PARD3B: variants seen among roughly 807,000 people sequenced by gnomAD.
The protein encoded by PARD3B is par-3 family cell polarity regulator beta.
A neutral mutation model predicts 130.2 loss-of-function variants in PARD3B; 103 were observed. That is an observed-to-expected ratio of 0.79 (90% CI 0.67 to 0.93). The LOEUF (loss-of-function observed/expected upper bound fraction) is 0.93. Ranked by LOEUF, PARD3B falls within the 40% of genes least tolerant of loss-of-function variation. PARD3B has a pLI of 0.00. For missense variants in PARD3B, 1,609 were observed against 1,499.2 expected (o/e 1.07, Z -1.21); for synonymous variants, 583 against 553.2 (o/e 1.05, Z -0.76).
chr2:204,605,993 C>T (rs2033709962), intron 1 of PARD3B, among the ~76,000 whole-genome samples: 1 of 152,128 alleles, frequency 6.6e-6, no homozygotes. Flanking sequence ...CGTGCTATTG[C>T]TTCTCAGTGA....
chr2:205,366,339 C>G lies in PARD3B; in HGVS notation c.2631-34674C>G, dbSNP rs2044609202. ...AATAATCAAGTGTTGACTCAGCTCT[C>G]AAATTTGCTGTGCAGTGCTTACATG... On this transcript the variant is annotated intron_variant, in intron 18 of 22. Coordinates refer to ENST00000406610, the MANE Select transcript of PARD3B (RefSeq NM_001302769.2). The surrounding 1 kb of genome is among the most constrained non-coding windows in gnomAD (Gnocchi z 5.0). Among the ~76,000 whole-genome samples the G allele has an allele frequency of 6.6e-6, 1 of 152,146 alleles. No homozygotes were observed. Among genetic ancestry groups the G allele is most frequent in the Non-Finnish European group, 1.5e-5 (1 of 68,044 alleles).
chr2:205,404,641 A>G (rs1205815815), intron 19 of PARD3B, among the ~76,000 whole-genome samples: 7 of 152,118 alleles, frequency 4.6e-5, no homozygotes, highest in Non-Finnish European at 7.4e-5. Context: ...TCCATTGTCA[A>G]ACATTTAGTC....
chr2:205,414,119 A>T (rs2046694789), intron 19 of PARD3B, among the ~76,000 whole-genome samples: 1 of 152,192 alleles, frequency 6.6e-6, no homozygotes, highest in African/African-American at 2.4e-5. Flanking sequence ...GAAAAATGGC[A>T]ACAGCCATTT....
rs754527041 is a variant in PARD3B, at chr2:204,967,769, C to T, written c.394+2446C>T. Among the ~76,000 whole-genome samples the T allele has an allele frequency of 6.6e-6, 1 of 152,170 alleles. No individual in the cohort carries two copies. The highest frequency in any genetic ancestry group is 2.4e-5 in the African/African-American group (1 of 41,444). On this transcript the variant is annotated intron_variant, in intron 3 of 22. Transcript: ENST00000406610. The surrounding 1 kb of genome is among the most constrained non-coding windows in gnomAD (Gnocchi z 4.4). ...CCATTCTGTTTTCCTGTTGTTGGCT[C>T]CGGGGCAGGATGTGGCCATAGGCTG...
chr2:205,154,589 A>G (rs2033989030), intron 10 of PARD3B, among the ~76,000 whole-genome samples: 1 of 152,240 alleles, frequency 6.6e-6, no homozygotes, highest in Admixed American at 6.5e-5. Flanking sequence ...ATAAAGACAC[A>G]TGCACACATA....
chr2:204,644,687 A>G (rs1210207371), intron 1 of PARD3B, among the ~76,000 whole-genome samples: 3 of 152,160 alleles, frequency 2.0e-5, no homozygotes, highest in South Asian at 2.1e-4. Context: ...GATTATTCCT[A>G]GGATAAATAG....
intron 15 of PARD3B, among the ~76,000 whole-genome samples, chr2:205,208,840 G>A (rs1268504647): frequency 7.0e-6 from 1 of 143,506 alleles, no homozygotes; most frequent in African/African-American, 2.7e-5. Flanking sequence ...AGCTACCAAA[G>A]CCTTTCTTCA....
At chr2:204,803,834 G>C (rs759198354) in intron 2 of PARD3B, among the ~76,000 whole-genome samples, 1 of 152,218 alleles carries the variant, frequency 6.6e-6, no homozygotes, top group South Asian at 2.1e-4. Flanking sequence ...ATAACAAAAT[G>C]GCAGGCTGTA....
chr2:204,614,954 G>A lies in PARD3B; in HGVS notation c.120+68835G>A, dbSNP rs376301357. On this transcript the variant is annotated intron_variant, in intron 1 of 22. Transcript: ENST00000406610. Reference sequence around the variant, plus strand: ...TATTTCTTTATAGCAATGCAAGAACGGCCTAATACACGCAAATTACTCACT... The same window carrying A: ...TATTTCTTTATAGCAATGCAAGAACAGCCTAATACACGCAAATTACTCACT... 1.4e-4 allele frequency among the ~76,000 whole-genome samples: 21 copies of A among 151,986 alleles called. 1 individual carries two copies. Among genetic ancestry groups the A allele is most frequent in the Non-Finnish European group, 1.8e-4 (12 of 67,998 alleles).
At position 204,803,170 on chromosome 2, in the gene PARD3B, A is replaced by G. The variant is rs1391565427; in HGVS notation, c.222+116888A>G. Among the ~76,000 whole-genome samples, 15 of 145,412 alleles carry G rather than the reference A, an allele frequency of 1.0e-4. No homozygotes were observed. In the East Asian group the frequency reaches 3.0e-3, roughly 29 times the overall value. On this transcript the variant is annotated intron_variant, in intron 2 of 22. Transcript: ENST00000406610. ...AAAAAAAAAAAAAAAAAAAATATAT[A>G]TATATATATATAATCCTAGATAGTA...
At position 205,558,047 on chromosome 2, in the gene PARD3B, T is replaced by C. The variant is rs2052971599; in HGVS notation, c.3260+4644T>C. ...GATTCGCCGACTCAGGAAAGACCAG[T>C]GGTCTGGATGGTCAAGTGCAAGAGA... On this transcript the variant is annotated intron_variant, in intron 22 of 22. Coordinates refer to ENST00000406610, the MANE Select transcript of PARD3B (RefSeq NM_001302769.2). The surrounding 1 kb of genome is among the most constrained non-coding windows in gnomAD (Gnocchi z 4.8). Among the ~76,000 whole-genome samples, 1 of 152,140 alleles carries C rather than the reference T, an allele frequency of 6.6e-6. No individual in the cohort carries two copies. Among genetic ancestry groups the C allele is most frequent in the South Asian group, 2.1e-4 (1 of 4,824 alleles).
chr2:204,726,609 A>G (rs888117630), intron 2 of PARD3B, among the ~76,000 whole-genome samples: 1 of 152,132 alleles, frequency 6.6e-6, no homozygotes, highest in Non-Finnish European at 1.5e-5. Context: ...AACAAAAACA[A>G]TGACCTTGAG....
At chr2:204,981,552 A>G (rs979723617) in intron 3 of PARD3B, among the ~76,000 whole-genome samples, 1 of 152,224 alleles carries the variant, frequency 6.6e-6, no homozygotes, top group African/African-American at 2.4e-5. Flanking sequence ...ACAATCTAAA[A>G]TTCATGCATT....
chr2:205,520,547 A>G (rs2050998649), intron 21 of PARD3B, among the ~76,000 whole-genome samples: 1 of 152,192 alleles, frequency 6.6e-6, no homozygotes, highest in Admixed American at 6.5e-5. Context: ...GGAAGACAAC[A>G]AGTTTTTATC....
chr2:205,543,678 C>G (rs1010565676), intron 21 of PARD3B, among the ~76,000 whole-genome samples: 1 of 152,176 alleles, frequency 6.6e-6, no homozygotes, highest in Admixed American at 6.5e-5. Context: ...TCTGAACTTT[C>G]ATTTCCTCAT....
chr2:205,166,917 T>C (rs1365955139), intron 11 of PARD3B, among the ~76,000 whole-genome samples: 2 of 152,090 alleles, frequency 1.3e-5, no homozygotes, highest in Non-Finnish European at 2.9e-5. Flanking sequence ...GAAGCCAACA[T>C]CTGGTCATGA....
At chr2:204,760,567 G>T (rs1406734500) in intron 2 of PARD3B, among the ~76,000 whole-genome samples, 22 of 151,910 alleles carry the variant, frequency 1.4e-4, no homozygotes, top group African/African-American at 4.8e-4. Context: ...TTATTAATAA[G>T]GAAGTTTCAA....
chr2:204,648,294 C>G, intron 1 of PARD3B, among the ~76,000 whole-genome samples: 1 of 151,066 alleles, frequency 6.6e-6, no homozygotes, highest in Middle Eastern at 3.4e-3. Context: ...TAATAAAATG[C>G]ATAAATTTTA....
chr2:204,553,325 A>G (rs535553307), intron 1 of PARD3B, among the ~76,000 whole-genome samples: 261 of 152,178 alleles, frequency 1.7e-3, no homozygotes, highest in African/African-American at 6.1e-3. Context: ...TACAACCACT[A>G]TGAAAAATAG....
Sources: allele counts gnomAD v4.1 joint callset (sites outside exome capture counted in the v4.1 genomes callset), GRCh38; gene constraint gnomAD v4.1.1; non-coding constraint Gnocchi (gnomAD v3.1); transcripts MANE v1.5; gene names NCBI Gene and HGNC (gene_info 2026-07-23, HGNC 2026-07-21).